GLIS3: variants seen among roughly 807,000 people sequenced by gnomAD.
GLIS3 encodes the protein GLIS family zinc finger 3.
GLIS3 carries 53 observed loss-of-function variants against 78.6 expected under a neutral mutation model. The observed-to-expected ratio is 0.67, with a 90% CI of 0.54 to 0.85. The LOEUF (loss-of-function observed/expected upper bound fraction) is 0.85. Among genes scored for constraint, GLIS3 ranks in the 40% least tolerant of loss-of-function variants. GLIS3 has a pLI of 0.00. For missense variants in GLIS3, 1,703 were observed against 1,231.1 expected, an observed-to-expected ratio of 1.38 and a Z score of -5.74; for synonymous variants, 684 against 509.9, an observed-to-expected ratio of 1.34 and a Z score of -4.60.
At chr9:3,840,533 A>T (rs1818647686) in intron 9 of GLIS3, among the ~76,000 whole-genome samples, 1 of 152,242 alleles carries the variant, frequency 6.6e-6, no homozygotes, top group South Asian at 2.1e-4. Context: ...ACCAGCTTGC[A>T]AAGCACTCGA....
intron 2 of GLIS3, among the ~76,000 whole-genome samples, chr9:4,186,401 T>C (rs1445282890): frequency 6.6e-6 from 1 of 152,036 alleles, no homozygotes; most frequent in African/African-American, 2.4e-5. Context: ...TCTATCATTG[T>C]TGGACATTTG....
chr9:3,881,265 C>G (rs555336350), intron 7 of GLIS3, among the ~76,000 whole-genome samples: 15 of 152,136 alleles, frequency 9.9e-5, no homozygotes, highest in Admixed American at 6.5e-4. Flanking sequence ...ACTATGAAAA[C>G]ACAGCTAACT....
the GLIS3 span, among the ~76,000 whole-genome samples, chr9:4,474,562 T>A: frequency 5.3e-5 from 8 of 152,146 alleles, no homozygotes; most frequent in Admixed American, 2.6e-4. Flanking sequence ...CCAGATAGAT[T>A]TTAGATTGAA....
At chr9:3,934,077 T>G (rs546956342) in intron 5 of GLIS3, among the ~76,000 whole-genome samples, 54 of 152,328 alleles carry the variant, frequency 3.5e-4, no homozygotes, top group Middle Eastern at 3.4e-3. Flanking sequence ...TCTCGATACC[T>G]CATGGTTTCT....
chr9:4,188,520 C>T (rs4487826), intron 2 of GLIS3, among the ~76,000 whole-genome samples: 124,408 of 146,044 alleles, frequency 0.85, 53,656 homozygotes, highest in Non-Finnish European at 0.93. Flanking sequence ...TAAAATGAGT[C>T]AGGGAGGATT....
intron 4 of GLIS3, among the ~76,000 whole-genome samples, chr9:3,938,991 G>C (rs566588435): frequency 6.6e-6 from 1 of 152,332 alleles, no homozygotes; most frequent in African/African-American, 2.4e-5. Context: ...TTGGAGCTCA[G>C]TTTATTTGAC....
chr9:4,429,295 T>A, the GLIS3 span, among the ~76,000 whole-genome samples: 1 of 152,052 alleles, frequency 6.6e-6, no homozygotes, highest in Non-Finnish European at 1.5e-5. Flanking sequence ...ATTTGGCCCC[T>A]ACCTCCCTCT....
the GLIS3 span, among the ~76,000 whole-genome samples, chr9:4,387,295 A>T: frequency 6.6e-6 from 1 of 150,796 alleles, no homozygotes; most frequent in Non-Finnish European, 1.5e-5. Flanking sequence ...GCCTCCCAGA[A>T]TTTTTTTTTT....
chr9:4,174,208 T>C (rs1337968353), intron 2 of GLIS3, among the ~76,000 whole-genome samples: 1 of 152,188 alleles, frequency 6.6e-6, no homozygotes, highest in Non-Finnish European at 1.5e-5. Flanking sequence ...ATAACATGAA[T>C]TTCTTCATAT....
intron 2 of GLIS3, among the ~76,000 whole-genome samples, chr9:4,187,749 T>C (rs1398192561): frequency 6.6e-6 from 1 of 152,164 alleles, no homozygotes; most frequent in African/African-American, 2.4e-5. Flanking sequence ...TTTTATTCTC[T>C]TTGAAGCAAC....
chr9:4,375,981 AG>A, the GLIS3 span, among the ~76,000 whole-genome samples: 1 of 152,202 alleles, frequency 6.6e-6, no homozygotes, highest in Non-Finnish European at 1.5e-5. Flanking sequence ...CATCTGTAAA[AG>A]AAAGTGAGTC....
chr9:3,961,560 G>C (rs1209345812), intron 4 of GLIS3, among the ~76,000 whole-genome samples: 1 of 152,152 alleles, frequency 6.6e-6, no homozygotes, highest in Non-Finnish European at 1.5e-5. Flanking sequence ...CCAAAATCAA[G>C]GTTGCCAACA....
chr9:4,248,490 T>C (rs1022238250), intron 2 of GLIS3, among the ~76,000 whole-genome samples: 3 of 152,372 alleles, frequency 2.0e-5, no homozygotes, highest in East Asian at 1.9e-4. Flanking sequence ...AGTCTATCAT[T>C]GATGGGCATT....
chr9:4,139,335 T>C (rs944178359), intron 2 of GLIS3, among the ~76,000 whole-genome samples: 4 of 152,280 alleles, frequency 2.6e-5, no homozygotes, highest in African/African-American at 7.2e-5. Context: ...GTTGGATGAA[T>C]AGGTAATGAA....
chr9:3,897,412 A>T (rs368994645), intron 7 of GLIS3, among the ~76,000 whole-genome samples: 6 of 152,290 alleles, frequency 3.9e-5, no homozygotes, highest in African/African-American at 1.4e-4. Flanking sequence ...ACACACAAAA[A>T]CAAAAGCTAG....
intron 4 of GLIS3, among the ~76,000 whole-genome samples, chr9:4,011,281 A>C (rs1387158296): frequency 1.3e-5 from 2 of 152,372 alleles, no homozygotes; most frequent in South Asian, 2.1e-4. Context: ...TGTAAGAGTC[A>C]TCTGCCAGGC....
the GLIS3 span, among the ~76,000 whole-genome samples, chr9:4,372,559 A>G: frequency 6.6e-6 from 1 of 150,940 alleles, no homozygotes; most frequent in East Asian, 1.9e-4. Context: ...TCCAATAAAA[A>G]AAAAAAAAAA....
chr9:3,901,760 C>T (rs185861612), intron 6 of GLIS3, among the ~76,000 whole-genome samples: 105 of 152,278 alleles, frequency 6.9e-4, no homozygotes, highest in Admixed American at 1.2e-3. Flanking sequence ...TGGCACATTC[C>T]AGTCTCTGAC....
intron 8 of GLIS3, among the ~76,000 whole-genome samples, chr9:3,875,166 T>C (rs1821232248): frequency 6.6e-6 from 1 of 152,246 alleles, no homozygotes; most frequent in Admixed American, 6.5e-5. Flanking sequence ...GGGAAGCCAC[T>C]GTCATAAAGT....
Sources: allele counts gnomAD v4.1 joint callset (sites outside exome capture counted in the v4.1 genomes callset), GRCh38; gene constraint gnomAD v4.1.1; transcripts MANE v1.5; gene names NCBI Gene and HGNC (gene_info 2026-07-23, HGNC 2026-07-21).